Variants in MROH1 observed in about 807,000 individuals in gnomAD.
The protein encoded by MROH1 is maestro heat-like repeat-containing protein family member 1.
Under a neutral mutation model 116.5 loss-of-function variants are expected in MROH1, and 117 were observed. The ratio of observed to expected loss-of-function variants is 1.00; its 90% CI spans 0.86 to 1.17. The LOEUF (loss-of-function observed/expected upper bound fraction) is 1.17, where lower values mean the gene tolerates loss of function less well. Ranked by LOEUF, MROH1 falls within the 50% of genes most tolerant of loss-of-function variation. The pLI is 0.00. For synonymous variants in MROH1, 921 were observed against 583.9 expected (o/e 1.58, Z -8.32); for missense variants, 1,873 against 1,338.5 (o/e 1.40, Z -6.23).
intron 4 of MROH1, among the ~76,000 whole-genome samples, chr8:144,170,765 C>T (rs1474640922): frequency 6.6e-6 from 1 of 152,182 alleles, no homozygotes; most frequent in Admixed American, 6.5e-5. Context: ...TTGTAGCATG[C>T]CACCTGTGCC....
chr8:144,170,492 C>T (rs1349169581), intron 4 of MROH1, among the ~76,000 whole-genome samples: 1 of 152,174 alleles, frequency 6.6e-6, no homozygotes, highest in Non-Finnish European at 1.5e-5. Flanking sequence ...GTCACAGCCT[C>T]CAGTTTCTGC....
chr8:144,176,818 ACT>A (rs1789853522), intron 4 of MROH1, among the ~76,000 whole-genome samples: 5 of 113,296 alleles, frequency 4.4e-5, no homozygotes, highest in African/African-American at 1.2e-4. Context: ...GACGAGTGAG[ACT>A]CTGTCTCAAA....
At chr8:144,244,007 T>C (rs1757979751) in intron 26 of MROH1, 65 bp downstream of exon 26, 3 of 755,274 alleles carry the variant, frequency 4.0e-6, no homozygotes, top group South Asian at 1.4e-5. Flanking sequence ...GTGTGCATTG[T>C]GTGTGCACGT....
At chr8:144,250,009 T>G (rs1842590009) in intron 32 of MROH1, among the ~76,000 whole-genome samples, 1 of 152,168 alleles carries the variant, frequency 6.6e-6, no homozygotes, top group Non-Finnish European at 1.5e-5. Flanking sequence ...GCACGCAGAA[T>G]CCAGGTCGTG....
At chr8:144,204,709 T>C (rs1401275907) in intron 12 of MROH1, among the ~76,000 whole-genome samples, 1 of 152,200 alleles carries the variant, frequency 6.6e-6, no homozygotes, top group Non-Finnish European at 1.5e-5. Flanking sequence ...TTGGTGAAAT[T>C]TATACATATA....
At chr8:144,221,090 C>G (rs751110101) in intron 13 of MROH1, among the ~76,000 whole-genome samples, 1 of 152,116 alleles carries the variant, frequency 6.6e-6, no homozygotes. Flanking sequence ...CCCCTGGGGT[C>G]GCGGACAGTG....
At chr8:144,216,749 T>A (rs1425933157) in intron 12 of MROH1, among the ~76,000 whole-genome samples, 1 of 151,140 alleles carries the variant, frequency 6.6e-6, no homozygotes, top group African/African-American at 2.5e-5. Flanking sequence ...GAGTGCAGTG[T>A]CATGATCTCA....
chr8:144,156,383 G>T (rs1304825463), intron 1 of MROH1, among the ~76,000 whole-genome samples: 3 of 151,608 alleles, frequency 2.0e-5, no homozygotes, highest in African/African-American at 7.3e-5. Context: ...TGAGATGATC[G>T]TGATGTGAAT....
chr8:144,200,236 G>C (rs1178365133), intron 11 of MROH1, among the ~76,000 whole-genome samples, 192 bp from the exon 12 acceptor site: 1 of 152,160 alleles, frequency 6.6e-6, no homozygotes, highest in Non-Finnish European at 1.5e-5. Flanking sequence ...CGTGGGATAA[G>C]GGCTACATGT....
At chr8:144,172,671 G>A (rs963035171) in intron 4 of MROH1, among the ~76,000 whole-genome samples, 3 of 152,006 alleles carry the variant, frequency 2.0e-5, no homozygotes, top group East Asian at 1.9e-4. Context: ...GGCCTCCCAA[G>A]GTGCTGGGAT....
intron 12 of MROH1, among the ~76,000 whole-genome samples, chr8:144,202,017 C>CAAAA (rs764827689): frequency 5.3e-4 from 28 of 52,808 alleles, no homozygotes; most frequent in African/African-American, 1.7e-3. Context: ...GACTCCGTCT[C>CAAAA]CAAAAAAAAA....
At chr8:144,207,059 A>T (rs12543880) in intron 12 of MROH1, among the ~76,000 whole-genome samples, 3,745 of 148,078 alleles carry the variant, frequency 0.025, 67 homozygotes, top group South Asian at 0.056. Flanking sequence ...AAAGAAATTT[A>T]AAAAAAAAAA....
intron 12 of MROH1, among the ~76,000 whole-genome samples, chr8:144,209,007 A>G (rs1833475429): frequency 6.7e-6 from 1 of 149,210 alleles, no homozygotes. Context: ...TACAGGCATG[A>G]GCCAATGCAC....
Position 144,183,266 on chromosome 8 carries a change from A to T in MROH1, c.562+2743A>T, listed in dbSNP as rs527583888. Among the ~76,000 whole-genome samples, 81 of 150,906 alleles carry T rather than the reference A, an allele frequency of 5.4e-4. 1 individual carries two copies. The highest frequency in any genetic ancestry group is 2.2e-3 in the Admixed American group (33 of 15,106). On this transcript the variant is annotated intron_variant, in intron 7 of 43. Coordinates refer to ENST00000326134, the MANE Select transcript of MROH1 (RefSeq NM_032450.3). ...GTATGGTAGCACATGCCTGTATTCCAGCTCCTTGGAAGGCTGAGGCAGGAG... is the reference window on the plus strand; with the variant it reads ...GTATGGTAGCACATGCCTGTATTCCTGCTCCTTGGAAGGCTGAGGCAGGAG...
chr8:144,175,403 A>C (rs1587893096), intron 4 of MROH1: 1 of 765,578 alleles, frequency 1.3e-6, no homozygotes, highest in Non-Finnish European at 1.6e-6. Flanking sequence ...CACTTGCTGT[A>C]CCCAAGCTGC....
intron 10 of MROH1, among the ~76,000 whole-genome samples, chr8:144,194,543 C>A (rs535681328): frequency 1.3e-5 from 2 of 152,270 alleles, no homozygotes; most frequent in East Asian, 1.9e-4. Context: ...TATAGGGAAA[C>A]AAAAGAACCA....
intron 10 of MROH1, among the ~76,000 whole-genome samples, chr8:144,194,379 T>TA (rs1327611721): frequency 1.3e-5 from 2 of 152,074 alleles, no homozygotes; most frequent in African/African-American, 4.8e-5. Flanking sequence ...TCTTAACAAC[T>TA]AAGATTGGAA....
rs191172165 is a variant in MROH1, at chr8:144,222,984, A to T, written c.1216-124A>T. ...TGGGTGCAGGTACAGGTGTCAGTGT[A>T]ACTGCAGTTGTGGGCACATGTGTGG... On this transcript the variant is annotated intron_variant, in intron 13 of 43. Coordinates refer to ENST00000326134, the MANE Select transcript of MROH1 (RefSeq NM_032450.3). The T allele has an allele frequency of 5.6e-3, 7,460 of 1,327,016 alleles. 39 individuals carry two copies. The highest frequency in any genetic ancestry group is 7.0e-3 in the Non-Finnish European group (6,689 of 957,142). 82.2% of individuals were successfully genotyped at this position (1,327,016 alleles called of 1,614,324 possible).
At chr8:144,261,441 T>A in intron 43 of MROH1, 92 bp downstream of exon 43, 1 of 699,882 alleles carries the variant, frequency 1.4e-6, no homozygotes, top group Non-Finnish European at 2.6e-6. Context: ...TTTCAGGACT[T>A]TTTCCCTGTC....
Sources: allele counts gnomAD v4.1 joint callset (sites outside exome capture counted in the v4.1 genomes callset), GRCh38; gene constraint gnomAD v4.1.1; transcripts MANE v1.5; gene names NCBI Gene and HGNC (gene_info 2026-07-23, HGNC 2026-07-21).